The following PAM variants were observed in gnomAD, a reference collection of about 807,000 sequenced individuals.
The protein encoded by PAM is peptidyl-glycine alpha-amidating monooxygenase.
Under a neutral mutation model 122.1 loss-of-function variants are expected in PAM, and 72 were observed. That is an observed-to-expected ratio of 0.59 (90% CI 0.49 to 0.72). PAM has a LOEUF of 0.72. PAM is among the 30% of genes least tolerant of loss of function. The pLI is 0.00. For missense variants in PAM, 1,106 were observed against 1,183.7 expected (o/e 0.93, Z 0.96); for synonymous variants, 389 against 404.4 (o/e 0.96, Z 0.46).
At position 102,865,940 on chromosome 5, in the gene PAM, G is replaced by A. The variant is rs943347587; in HGVS notation, c.-256G>A. The A allele has an allele frequency of 1.2e-5, 5 of 418,110 alleles. No homozygotes were observed. The highest frequency in any genetic ancestry group is 8.4e-5 in the African/African-American group (4 of 47,404). 25.9% of individuals were successfully genotyped at this position (418,110 alleles called of 1,614,324 possible). ...GCCAGGGCACGCGAGCGGCGCTGGA[G>A]GGAGGAAAGCTTCCGCCTGCGGGCC... is the stretch of plus-strand genomic sequence containing the variant. On this transcript the variant is annotated 5_prime_UTR_variant, in exon 2 of 26. Transcript: ENST00000438793.
chr5:102,967,716 C>CTT (rs199841427), intron 14 of PAM, among the ~76,000 whole-genome samples: 1,565 of 131,016 alleles, frequency 0.012, 35 homozygotes, highest in East Asian at 0.04. Context: ...AAAACTAGGC[C>CTT]TTTTTTTTTT....
intron 1 of PAM, among the ~76,000 whole-genome samples, chr5:102,850,170 G>A (rs894393518): frequency 5.9e-5 from 9 of 152,068 alleles, no homozygotes; most frequent in Non-Finnish European, 1.0e-4. Context: ...TAAGTTTGGG[G>A]ATATAACAGT....
intron 24 of PAM, among the ~76,000 whole-genome samples, chr5:103,026,768 AC>A (rs1158701485): frequency 6.6e-6 from 1 of 152,234 alleles, no homozygotes; most frequent in Non-Finnish European, 1.5e-5. Flanking sequence ...GAGACATGAA[AC>A]AAAAAAGTTA....
intron 1 of PAM, among the ~76,000 whole-genome samples, chr5:102,863,755 G>T: frequency 6.8e-6 from 1 of 147,146 alleles, no homozygotes; most frequent in East Asian, 2.0e-4. Context: ...ACATTATCCA[G>T]AATTATAAAA....
At chr5:102,776,517 G>C (rs1757219548) in intron 1 of PAM, among the ~76,000 whole-genome samples, 2 of 152,206 alleles carry the variant, frequency 1.3e-5, no homozygotes, top group South Asian at 4.1e-4. Flanking sequence ...TTTATATAAG[G>C]TGTGAGGAAG....
At chr5:102,904,423 G>A (rs987504368) in intron 4 of PAM, among the ~76,000 whole-genome samples, 7 of 151,480 alleles carry the variant, frequency 4.6e-5, no homozygotes, top group East Asian at 2.0e-4. Context: ...TGCTGAATGC[G>A]CGAGTGAATA....
chr5:102,960,761 CA>C (rs546835830), intron 13 of PAM, among the ~76,000 whole-genome samples: 144 of 151,736 alleles, frequency 9.5e-4, no homozygotes, highest in African/African-American at 3.4e-3. Flanking sequence ...GAGAAGTTAG[CA>C]TAGCATTCTG....
intron 15 of PAM, 110 bp from the exon 16 acceptor site, chr5:102,990,162 T>C (rs1773595112): frequency 5.6e-6 from 4 of 719,408 alleles, no homozygotes; most frequent in African/African-American, 5.4e-5. Flanking sequence ...CTTTTTTTAT[T>C]TCTTTGCATC....
Position 102,949,529 on chromosome 5 carries a change from TC to T in PAM, c.644-5del. 1 of 1,413,272 alleles carries T rather than the reference TC, an allele frequency of 7.1e-7. No individual in the cohort carries two copies. Among genetic ancestry groups the T allele is most frequent in the Non-Finnish European group, 1.0e-6 (1 of 997,102 alleles). The allele number at this position is 1,413,272 out of a possible 1,614,324, so 87.5% of individuals were successfully genotyped here. ...AGTGACTTTTGTCTGTGTTTTCATTTCCCACAGTGGTGAATTCTGACATTTC... is the reference window on the plus strand; with the variant it reads ...AGTGACTTTTGTCTGTGTTTTCATTTCCACAGTGGTGAATTCTGACATTTC... On this transcript the variant is annotated splice_region_variant and splice_polypyrimidine_tract_variant and intron_variant, in intron 9 of 25. Transcript: ENST00000438793.
intron 23 of PAM, 39 bp downstream of exon 23, chr5:103,019,882 T>C (rs754262405): frequency 1.6e-6 from 2 of 1,258,614 alleles, no homozygotes; most frequent in Non-Finnish European, 2.3e-6. Flanking sequence ...AACCAAAGTC[T>C]GGCTGTGTTG....
chr5:102,836,859 C>A (rs191095068), intron 1 of PAM, among the ~76,000 whole-genome samples: 45 of 120,820 alleles, frequency 3.7e-4, no homozygotes, highest in African/African-American at 7.1e-4. Context: ...AGAAAGAAAC[C>A]GAGAGAGAGA....
intron 1 of PAM, among the ~76,000 whole-genome samples, chr5:102,828,575 A>C (rs941468335): frequency 2.0e-5 from 3 of 152,176 alleles, no homozygotes; most frequent in South Asian, 4.1e-4. Flanking sequence ...TTGCTTCTCT[A>C]ATCTATAAAA....
At chr5:102,764,279 CAT>C (rs1164276313) in intron 1 of PAM, among the ~76,000 whole-genome samples, 2 of 150,078 alleles carry the variant, frequency 1.3e-5, no homozygotes, top group African/African-American at 4.9e-5. Flanking sequence ...ATATTAAAAA[CAT>C]ATATATAATA....
rs2151080306 is a variant in PAM at position 103,007,675 on chromosome 5, G to A, written c.2215+18G>A. 1 of 1,462,568 alleles carries A rather than the reference G, an allele frequency of 6.8e-7. No individual in the cohort carries two copies. The highest frequency in any genetic ancestry group is 9.6e-7 in the Non-Finnish European group (1 of 1,043,206). 90.6% of individuals were successfully genotyped at this position (1,462,568 alleles called of 1,614,324 possible). A position where few individuals can be genotyped will look rare whatever the true frequency, so the allele number is the denominator to read the frequency against. On this transcript the variant is annotated intron_variant, in intron 20 of 25. Transcript: ENST00000438793. Reference sequence around the variant, plus strand: ...TATACCAGGTATTTCATCTTAATATGTTTGTTGTCTTCTGTCCTACTGTAC... The same window carrying A: ...TATACCAGGTATTTCATCTTAATATATTTGTTGTCTTCTGTCCTACTGTAC...
intron 1 of PAM, among the ~76,000 whole-genome samples, chr5:102,795,427 G>C (rs1028734628): frequency 6.6e-6 from 1 of 152,070 alleles, no homozygotes; most frequent in Non-Finnish European, 1.5e-5. Flanking sequence ...GCCGTTTTTG[G>C]AGTACCACTA....
chr5:102,937,017 G>A (rs572148997), intron 7 of PAM, among the ~76,000 whole-genome samples: 1 of 152,176 alleles, frequency 6.6e-6, no homozygotes, highest in African/African-American at 2.4e-5. Context: ...AAGAAAAGGG[G>A]AGCTTTGAAA....
chr5:102,858,000 G>C (rs1204859651), intron 1 of PAM, among the ~76,000 whole-genome samples: 2 of 152,118 alleles, frequency 1.3e-5, no homozygotes, highest in African/African-American at 4.8e-5. Flanking sequence ...TGTGTAACCA[G>C]AACAAGTTAA....
At chr5:102,937,767 T>C (rs1344926560) in intron 7 of PAM, among the ~76,000 whole-genome samples, 6 of 152,288 alleles carry the variant, frequency 3.9e-5, no homozygotes, top group African/African-American at 9.6e-5. Flanking sequence ...TTAATTCATA[T>C]TGGTTTTCTA....
chr5:102,880,729 T>C (rs1016285602), intron 3 of PAM, among the ~76,000 whole-genome samples: 5 of 151,278 alleles, frequency 3.3e-5, no homozygotes, highest in East Asian at 1.9e-4. Context: ...AAATGAAAAA[T>C]AGAATGAAAA....
Sources: allele counts gnomAD v4.1 joint callset (sites outside exome capture counted in the v4.1 genomes callset), GRCh38; gene constraint gnomAD v4.1.1; transcripts MANE v1.5; gene names NCBI Gene and HGNC (gene_info 2026-07-23, HGNC 2026-07-21).